TMPRSS13: variants seen among roughly 807,000 people sequenced by gnomAD.
TMPRSS13 encodes transmembrane protease serine 13.
Under a neutral mutation model 68.4 loss-of-function variants are expected in TMPRSS13, and 50 were observed. The observed-to-expected ratio is 0.73, with a 90% CI of 0.58 to 0.93. TMPRSS13 has a LOEUF of 0.93. Among genes scored for constraint, TMPRSS13 ranks in the 40% least tolerant of loss-of-function variants. TMPRSS13 has a pLI of 0.00. For synonymous variants in TMPRSS13, 267 were observed against 285.8 expected (o/e 0.93, Z 0.66); for missense variants, 615 against 729.2 (o/e 0.84, Z 1.80).
At chr11:117,921,638 G>A (rs2057649759) in intron 1 of TMPRSS13, among the ~76,000 whole-genome samples, 1 of 152,202 alleles carries the variant, frequency 6.6e-6, no homozygotes, top group Non-Finnish European at 1.5e-5. Flanking sequence ...TTGGTGGAAA[G>A]CCAAGAACTG....
intron 12 of TMPRSS13, among the ~76,000 whole-genome samples, chr11:117,902,471 A>G (rs540515675): frequency 6.6e-6 from 1 of 152,316 alleles, no homozygotes; most frequent in African/African-American, 2.4e-5. Flanking sequence ...TGCTCCCCCT[A>G]TCTGAGCCCT....
At position 117,907,782 on chromosome 11, in the gene TMPRSS13, A is replaced by G. The variant is rs183568074; in HGVS notation, c.1282+830T>C. On this transcript the variant is annotated intron_variant, in intron 9 of 12. Coordinates refer to ENST00000524993, the MANE Select transcript of TMPRSS13 (RefSeq NM_001077263.3). ...GCTCCCTGCTCCCCGAAAACATCGTATAATTGGCCTCTACTGGTCGTCTTG... is the reference window on the plus strand; with the variant it reads ...GCTCCCTGCTCCCCGAAAACATCGTGTAATTGGCCTCTACTGGTCGTCTTG... The G allele has an allele frequency of 2.6e-3, 2,573 of 984,606 alleles. 10 individuals carry two copies. Among genetic ancestry groups the G allele is most frequent in the Non-Finnish European group, 2.4e-3 (2,023 of 829,222 alleles). 61.0% of individuals were successfully genotyped at this position (984,606 alleles called of 1,614,324 possible).
At position 117,908,700 on chromosome 11, in the gene TMPRSS13, G is replaced by A. The variant is rs745923344; in HGVS notation, c.1194C>T (p.Ala398=). The part of the protein sequence containing the change: ...LHQLPEAASI[A]EIIINSNYTD... ...TGTAATTGCTGTTGATGATGATCTC[G>A]GCAATGGAGGCTGCCTCAGGCAACT... is the stretch of plus-strand genomic sequence containing the variant. Residue 398 remains alanine (A), a synonymous_variant, in exon 9 of 13, where the codon GCC becomes GCT. Transcript: ENST00000524993. 35 of 1,605,158 alleles carry A rather than the reference G, an allele frequency of 2.2e-5. No homozygotes were observed. The highest frequency in any genetic ancestry group is 1.8e-4 in the South Asian group (16 of 88,484).
At chr11:117,911,313 A>G (rs1237325599) in intron 6 of TMPRSS13, among the ~76,000 whole-genome samples, 1 of 152,038 alleles carries the variant, frequency 6.6e-6, no homozygotes, top group Non-Finnish European at 1.5e-5. Flanking sequence ...GCGGTCCCCT[A>G]CTGCTGCCTG....
intron 9 of TMPRSS13, chr11:117,908,371 C>T (rs1249178144): frequency 3.3e-6 from 2 of 612,684 alleles, no homozygotes; most frequent in Non-Finnish European, 5.8e-6. Context: ...AGCCCTGACT[C>T]CGTCATCAAT....
At chr11:117,908,418 T>C in intron 9 of TMPRSS13, 194 bp downstream of exon 9, 1 of 653,316 alleles carries the variant, frequency 1.5e-6, no homozygotes, top group Non-Finnish European at 2.6e-6. Context: ...GCAAACTTAT[T>C]TATAACCCTT....
chr11:117,903,216 A>T (rs1044020222), intron 12 of TMPRSS13: 3 of 1,364,096 alleles, frequency 2.2e-6, no homozygotes. Flanking sequence ...AAAGACAACA[A>T]CAACAACAAA....
intron 1 of TMPRSS13, among the ~76,000 whole-genome samples, chr11:117,926,877 T>G (rs2057712738): frequency 6.6e-6 from 1 of 152,154 alleles, no homozygotes; most frequent in African/African-American, 2.4e-5. Flanking sequence ...TCTCTATCTA[T>G]CTATCTCTAT....
At chr11:117,920,493 C>T (rs1048440844) in intron 1 of TMPRSS13, among the ~76,000 whole-genome samples, 6 of 151,966 alleles carry the variant, frequency 3.9e-5, no homozygotes, top group South Asian at 4.2e-4. Flanking sequence ...TGTGCACCAC[C>T]GTGCCTGGCT....
chr11:117,904,136 G>A, intron 10 of TMPRSS13, 35 bp from the exon 11 acceptor site: 2 of 1,606,296 alleles, frequency 1.2e-6, no homozygotes, highest in Non-Finnish European at 1.7e-6. Flanking sequence ...ACAGAGGATG[G>A]GAAGCCAGTG....
chr11:117,906,083 G>A (rs2057462504), intron 9 of TMPRSS13, among the ~76,000 whole-genome samples: 1 of 152,246 alleles, frequency 6.6e-6, no homozygotes, highest in South Asian at 2.1e-4. Context: ...TCTCCTGGTG[G>A]AGCCTCTTCC....
chr11:117,929,161 A>C, intron 1 of TMPRSS13, 126 bp downstream of exon 1: 1 of 702,952 alleles, frequency 1.4e-6, no homozygotes, highest in South Asian at 2.4e-5. Context: ...GCTTCAAACT[A>C]GAAGAGGCAC....
chr11:117,914,109 C>T lies in TMPRSS13; in HGVS notation c.680-203G>A, dbSNP rs969558668. 5.9e-5 allele frequency among the ~76,000 whole-genome samples: 9 copies of T among 152,186 alleles called. No individual in the cohort carries two copies. The highest frequency in any genetic ancestry group is 4.1e-4 in the South Asian group (2 of 4,824). On this transcript the variant is annotated intron_variant, in intron 4 of 12. Transcript: ENST00000524993. This position sits in a 1 kb window ranked among gnomAD's most constrained non-coding sequence, Gnocchi z 4.2. ...CCAGGATGCCTAGCATGGACAGAGC[C>T]AATGCAAAGTCACTAGAGTGCTACA...
intron 1 of TMPRSS13, 70 bp from the exon 2 acceptor site, chr11:117,918,908 G>T: frequency 1.3e-6 from 2 of 1,587,994 alleles, no homozygotes; most frequent in Non-Finnish European, 1.7e-6. Flanking sequence ...CAGCTGTGCT[G>T]CACTAGGAGA....
rs974371298 is a variant in TMPRSS13 at position 117,917,019 on chromosome 11, C to T, written c.556+151G>A. On this transcript the variant is annotated intron_variant, in intron 3 of 12. Transcript: ENST00000524993. ...CAGGGGCCCCGGGGGCAGCACAGTC[C>T]AAGGCCATTTGCAGGAGTGTCCCTC... The T allele has an allele frequency of 1.2e-5, 8 of 691,202 alleles. No homozygotes were observed. The Admixed American group carries it at 1.7e-4, about 15-fold the overall frequency. 42.8% of individuals were successfully genotyped at this position (691,202 alleles called of 1,614,324 possible). A position where few individuals can be genotyped will look rare whatever the true frequency, so the allele number is the denominator to read the frequency against.
intron 1 of TMPRSS13, among the ~76,000 whole-genome samples, chr11:117,925,729 A>G (rs1298554745): frequency 6.6e-6 from 1 of 152,244 alleles, no homozygotes; most frequent in Non-Finnish European, 1.5e-5. Context: ...CCACTTGGCC[A>G]GGCACATCCA....
intron 7 of TMPRSS13, 31 bp from the exon 8 acceptor site, chr11:117,909,999 C>A (rs528190291): frequency 1.2e-6 from 2 of 1,602,466 alleles, no homozygotes; most frequent in African/African-American, 2.7e-5. Context: ...TACTGTGAAC[C>A]CTGTTTCTCC....
At chr11:117,909,742 C>T (rs1016723187) in intron 8 of TMPRSS13, 64 bp downstream of exon 8, 141 of 1,547,356 alleles carry the variant, frequency 9.1e-5, no homozygotes, top group Non-Finnish European at 1.1e-4. Flanking sequence ...CAGTCTGCAG[C>T]CAGCCCTTCC....
intron 10 of TMPRSS13, among the ~76,000 whole-genome samples, chr11:117,904,326 G>A: frequency 6.6e-6 from 1 of 152,158 alleles, no homozygotes; most frequent in Admixed American, 6.5e-5. Context: ...CACTGCACGT[G>A]AGACAGAGAC....
Sources: gnomAD v4.1 joint callset for allele counts (sites outside exome capture counted in the v4.1 genomes callset) on GRCh38, gnomAD v4.1.1 for gene constraint, Gnocchi (gnomAD v3.1) non-coding constraint, MANE v1.5 for transcripts, NCBI Gene and HGNC (gene_info 2026-07-23, HGNC 2026-07-21) for gene names.